The following HAAO variants were observed in gnomAD, a reference collection of about 807,000 sequenced individuals.
HAAO encodes 3-hydroxyanthranilate 3,4-dioxygenase.
Under a neutral mutation model 46.2 loss-of-function variants are expected in HAAO, and 49 were observed. The ratio of observed to expected loss-of-function variants is 1.06; its 90% CI spans 0.84 to 1.34. The LOEUF is 1.34. Ranked by LOEUF, HAAO falls within the 40% of genes most tolerant of loss-of-function variation. HAAO has a pLI of 0.00. For synonymous variants in HAAO, 157 were observed against 145.2 expected, an observed-to-expected ratio of 1.08 and a Z score of -0.58; for missense variants, 408 against 364.5, an observed-to-expected ratio of 1.12 and a Z score of -0.97.
At chr2:42,788,805 G>A (rs1028950692) in intron 1 of HAAO, among the ~76,000 whole-genome samples, 198 bp from the exon 2 acceptor site, 5 of 152,326 alleles carry the variant, frequency 3.3e-5, no homozygotes, top group African/African-American at 7.2e-5. Context: ...GTCTGGGATC[G>A]TGTCTGTGTG....
At chr2:42,775,956 G>C (rs1200555319) in intron 4 of HAAO, among the ~76,000 whole-genome samples, 1 of 148,886 alleles carries the variant, frequency 6.7e-6, no homozygotes, top group Non-Finnish European at 1.5e-5. Flanking sequence ...ATCGCTTCTG[G>C]GCCTTTGGCT....
At chr2:42,789,091 A>C in intron 1 of HAAO, 1 of 180,614 alleles carries the variant, frequency 5.5e-6, no homozygotes, top group South Asian at 1.5e-4. Context: ...GACATCTAGC[A>C]GGGGCCTCAG....
intron 5 of HAAO, 133 bp from the exon 6 acceptor site, chr2:42,770,319 T>C: frequency 1.1e-6 from 1 of 884,840 alleles, no homozygotes; most frequent in Non-Finnish European, 1.8e-6. Flanking sequence ...CACAGCTGTG[T>C]GTCTGCCATC....
chr2:42,783,968 TC>T, intron 2 of HAAO, 101 bp from the exon 3 acceptor site: 1 of 1,532,276 alleles, frequency 6.5e-7, no homozygotes, highest in Non-Finnish European at 8.8e-7. Context: ...TGAGAAACTT[TC>T]TGAAGGCCTT....
Position 42,788,536 on chromosome 2 carries a change from C to A in HAAO, c.152G>T (p.Gly51Val). Residue 51 changes from glycine to valine, a missense_variant, in exon 2 of 10, where the codon GGT becomes GTT. By Grantham distance (109) the Gly-to-Val change is moderately radical. Transcript: ENST00000294973. The stretch of plus-strand genomic sequence containing the variant: ...GAGACCAGTCAAACCTACCTCTTCA[C>A]CCTCTTCGATGTGATAGTCCTTCCT... ...NTRKDYHIEE[G>V]EEVFYQLEGD... The A allele has an allele frequency of 6.2e-7, 1 of 1,600,632 alleles. No homozygotes were observed. Among genetic ancestry groups the A allele is most frequent in the South Asian group, 1.1e-5 (1 of 90,686 alleles).
intron 1 of HAAO, chr2:42,789,026 G>A (rs1041736039): frequency 4.0e-6 from 1 of 247,162 alleles, no homozygotes; most frequent in African/African-American, 2.2e-5. Context: ...TCTGACTATA[G>A]GACCCTGCAC....
Position 42,770,192 on chromosome 2 carries a change from A to C in HAAO, c.441-6T>G, listed in dbSNP as rs1573900886. 1 of 1,595,180 alleles carries C rather than the reference A, an allele frequency of 6.3e-7. No individual in the cohort carries two copies. Among genetic ancestry groups the C allele is most frequent in the East Asian group, 2.3e-5 (1 of 43,978 alleles). On this transcript the variant is annotated splice_polypyrimidine_tract_variant and splice_region_variant and intron_variant, in intron 5 of 9. Transcript: ENST00000294973. ...ACTGCTCAGAGCTGAAGAACCTGCA[A>C]GGACGAACAGGGAGGAGCAGGAGTG... is the stretch of plus-strand genomic sequence containing the variant.
At chr2:42,781,320 G>C (rs1671980443) in intron 4 of HAAO, among the ~76,000 whole-genome samples, 1 of 152,056 alleles carries the variant, frequency 6.6e-6, no homozygotes, top group South Asian at 2.1e-4. Context: ...TTGGTTTATG[G>C]AGCCAATAAA....
intron 1 of HAAO, among the ~76,000 whole-genome samples, chr2:42,791,372 G>A (rs1034028897): frequency 1.3e-5 from 2 of 152,128 alleles, no homozygotes; most frequent in African/African-American, 2.4e-5. Flanking sequence ...GAGAAGGAGC[G>A]ACTGCAGATG....
At chr2:42,771,073 C>T (rs1396393521) in intron 4 of HAAO, among the ~76,000 whole-genome samples, 6 of 152,234 alleles carry the variant, frequency 3.9e-5, no homozygotes, top group Middle Eastern at 6.8e-3. Context: ...CCTGAGTGCA[C>T]GGACACTTAA....
At chr2:42,770,359 C>G in intron 5 of HAAO, 134 bp downstream of exon 5, 1 of 890,994 alleles carries the variant, frequency 1.1e-6, no homozygotes. Flanking sequence ...TGCTGCTCCC[C>G]CCTCCCCCCG....
At chr2:42,784,528 T>G (rs1028039794) in intron 2 of HAAO, among the ~76,000 whole-genome samples, 193 of 16,966 alleles carry the variant, frequency 0.011, no homozygotes, top group African/African-American at 0.031. Context: ...TGGGGGGAGG[T>G]GGGGGGGGCG....
Position 42,767,552 on chromosome 2 carries a change from T to C in HAAO, c.783-37A>G, listed in dbSNP as rs114287183. 5.3e-4 allele frequency: 849 copies of C among 1,593,124 alleles called. 4 individuals carry two copies. In the African/African-American group the frequency reaches 0.01, roughly 19 times the overall value. On this transcript the variant is annotated intron_variant, in intron 9 of 9. Coordinates refer to ENST00000294973, the MANE Select transcript of HAAO (RefSeq NM_012205.3). Reference sequence around the variant, plus strand: ...CAGATGAGCAGGGATCACACAGAGTTGGACCCTGAGGATCCCAGGGAAAGC... The same window carrying C: ...CAGATGAGCAGGGATCACACAGAGTCGGACCCTGAGGATCCCAGGGAAAGC...
chr2:42,783,129 C>G lies in HAAO; in HGVS notation c.350+185G>C, dbSNP rs1421694247. The G allele has an allele frequency of 2.7e-5, 16 of 594,524 alleles. No homozygotes were observed. In the South Asian group the frequency reaches 2.8e-4, roughly 10 times the overall value. The allele number at this position is 594,524 out of a possible 1,614,324, so 36.8% of individuals were successfully genotyped here. A position where few individuals can be genotyped will look rare whatever the true frequency, so the allele number is the denominator to read the frequency against. ...CACAGAGAACAGAATCCACCCCACT[C>G]TACCCCTCCACCATCAGCCAACAAA... On this transcript the variant is annotated intron_variant, in intron 4 of 9. Transcript: ENST00000294973.
intron 8 of HAAO, 60 bp from the exon 9 acceptor site, chr2:42,767,737 T>C: frequency 6.5e-7 from 1 of 1,544,672 alleles, no homozygotes. Flanking sequence ...CCTGGGTGAA[T>C]GTCTGAGTCT....
At chr2:42,787,961 G>C (rs890558582) in intron 2 of HAAO, among the ~76,000 whole-genome samples, 5 of 152,028 alleles carry the variant, frequency 3.3e-5, no homozygotes, top group African/African-American at 1.2e-4. Flanking sequence ...CACAAGCCAC[G>C]AATGGGTTTT....
chr2:42,780,985 G>C (rs903504097), intron 4 of HAAO, among the ~76,000 whole-genome samples: 3 of 151,934 alleles, frequency 2.0e-5, no homozygotes, highest in Non-Finnish European at 4.4e-5. Flanking sequence ...GCTGAGGCAG[G>C]AGAATGGTGT....
Position 42,769,562 on chromosome 2 carries a change from C to T in HAAO, c.630+151G>A, listed in dbSNP as rs1670922111. 4 of 726,214 alleles carry T rather than the reference C, an allele frequency of 5.5e-6. No individual in the cohort carries two copies. In the East Asian group the frequency reaches 1.1e-4, roughly 21 times the overall value. The allele number at this position is 726,214 out of a possible 1,614,324, so 45.0% of individuals were successfully genotyped here. A position where few individuals can be genotyped will look rare whatever the true frequency, so the allele number is the denominator to read the frequency against. ...AAAGGCCTATGCTCATGTCTACAACCTCTGAAATGTGTGTGTGTGTGTGTG... is the reference window on the plus strand; with the variant it reads ...AAAGGCCTATGCTCATGTCTACAACTTCTGAAATGTGTGTGTGTGTGTGTG... On this transcript the variant is annotated intron_variant, in intron 7 of 9. Transcript: ENST00000294973.
rs758353167 is a variant in HAAO, at chr2:42,770,565, G to A, written c.368C>T (p.Thr123Ile). 3.0e-5 allele frequency: 47 copies of A among 1,551,850 alleles called. No homozygotes were observed. In the African/African-American group the frequency reaches 6.0e-4, roughly 20 times the overall value. ...CCACTTCTCAAACAGAACGTCCATG[G>A]TGTCGCCCACATAGTACCTGCCAGA... is the stretch of plus-strand genomic sequence containing the variant. Reference protein sequence around the residue: ...LDGLRYYVGDTMDVLFEKWFY... With the variant: ...LDGLRYYVGDIMDVLFEKWFY... Residue 123 changes from threonine (T) to isoleucine (I), a missense_variant, in exon 5 of 10, where the codon ACC becomes ATC. Physicochemically the swap from Thr to Ile is moderately conservative, Grantham distance 89 (BLOSUM62 -1). Transcript: ENST00000294973.
Sources: allele counts gnomAD v4.1 joint callset (sites outside exome capture counted in the v4.1 genomes callset), GRCh38; gene constraint gnomAD v4.1.1; transcripts MANE v1.5; gene names NCBI Gene and HGNC (gene_info 2026-07-23, HGNC 2026-07-21).